The following F2RL3 variants were observed in gnomAD, a reference collection of about 807,000 sequenced individuals.
F2RL3 encodes F2R like thrombin or trypsin receptor 3, also known as proteinase-activated receptor 4.
Under a neutral mutation model 4.9 loss-of-function variants are expected in F2RL3, and 3 were observed. That is an observed-to-expected ratio of 0.61 (90% confidence interval 0.28 to 1.58). The LOEUF (loss-of-function observed/expected upper bound fraction) is 1.58, where lower values mean the gene tolerates loss of function less well. Among genes scored for constraint, F2RL3 ranks in the 40% most tolerant of loss-of-function variants. The pLI, the probability that F2RL3 is intolerant of heterozygous loss-of-function variation, is 0.11. For synonymous variants in F2RL3, 284 were observed against 278.4 expected (o/e 1.02, Z -0.20); for missense variants, 564 against 550.4 (o/e 1.02, Z -0.25).
At position 16,889,053 on chromosome 19, in the gene F2RL3, G is replaced by A; in HGVS notation, c.-137G>A. ...GCTGGCAAGCGGCCCTGGTGGGTCT[G>A]CGGGGGCAGGGGCAGCCTTCCTGGT... On this transcript the variant is annotated 5_prime_UTR_variant, in exon 1 of 2. Transcript: ENST00000248076. 1.6e-6 allele frequency: 1 copy of A among 620,870 alleles called. No individual in the cohort carries two copies. Among genetic ancestry groups the A allele is most frequent in the South Asian group, 2.4e-5 (1 of 41,814 alleles). 38.5% of individuals were successfully genotyped at this position (620,870 alleles called of 1,614,324 possible). A position where few individuals can be genotyped will look rare whatever the true frequency, so the allele number is the denominator to read the frequency against.
chr19:16,889,367 G>T, intron 1 of F2RL3, 69 bp downstream of exon 1: 1 of 1,373,664 alleles, frequency 7.3e-7, no homozygotes, highest in Non-Finnish European at 1.0e-6. Context: ...GCCCGGAGCT[G>T]GGGAGGGGGA....
In F2RL3 at chr19:16,890,618, G is replaced by A; in HGVS notation, c.1155G>A (p.Gln385=). 1 of 1,558,504 alleles carries A rather than the reference G, an allele frequency of 6.4e-7. No individual in the cohort carries two copies. ...RGMGTHSSLL[Q] is the part of the protein sequence containing the mutation. ...TGGGCACCCACTCCTCTTTGCTCCA[G>A]TGACACAAAGTGGGGAAGGCTGTAC... The change falls in exon 2 of 2, where the codon CAG becomes CAA. Residue 385 remains glutamine, a synonymous_variant. Transcript: ENST00000248076.
At position 16,889,047 on chromosome 19, in the gene F2RL3, G is replaced by A. The variant is rs2051751942; in HGVS notation, c.-143G>A. The A allele has an allele frequency of 1.7e-6, 1 of 584,032 alleles. No homozygotes were observed. Among genetic ancestry groups the A allele is most frequent in the African/African-American group, 1.9e-5 (1 of 52,790 alleles). 36.2% of individuals were successfully genotyped at this position (584,032 alleles called of 1,614,324 possible). The stretch of plus-strand genomic sequence containing the variant: ...GGGCTGGCTGGCAAGCGGCCCTGGT[G>A]GGTCTGCGGGGGCAGGGGCAGCCTT... On this transcript the variant is annotated 5_prime_UTR_variant, in exon 1 of 2. Transcript: ENST00000248076.
At position 16,890,542 on chromosome 19, in the gene F2RL3, C is replaced by T. The variant is rs369129094; in HGVS notation, c.1079C>T (p.Pro360Leu). Residue 360 changes from proline to leucine, a missense_variant, in exon 2 of 2, where the codon CCG becomes CTG. Coordinates refer to ENST00000248076, the MANE Select transcript of F2RL3 (RefSeq NM_003950.4). Reference protein sequence around the residue: ...KVRAGLFQRSPGDTVASKASA... With the variant: ...KVRAGLFQRSLGDTVASKASA... ...CGGGCAGGGCTCTTCCAACGGTCGCCGGGGGACACCGTGGCCTCCAAGGCC... is the reference window on the plus strand; with the variant it reads ...CGGGCAGGGCTCTTCCAACGGTCGCTGGGGGACACCGTGGCCTCCAAGGCC... The T allele has an allele frequency of 8.1e-6, 13 of 1,609,356 alleles. No individual in the cohort carries two copies. The highest frequency in any genetic ancestry group is 4.5e-5 in the East Asian group (2 of 44,776).
In F2RL3 at chr19:16,889,037, C is replaced by T. The variant is rs769564057; in HGVS notation, c.-153C>T. 3.5e-4 allele frequency: 186 copies of T among 528,304 alleles called. No individual in the cohort carries two copies. The highest frequency in any genetic ancestry group is 1.0e-3 in the Middle Eastern group (2 of 1,948). 32.7% of individuals were successfully genotyped at this position (528,304 alleles called of 1,614,324 possible). ...GTCCTCCCACGGGCTGGCTGGCAAG[C>T]GGCCCTGGTGGGTCTGCGGGGGCAG... On this transcript the variant is annotated 5_prime_UTR_variant, in exon 1 of 2. Coordinates refer to ENST00000248076, the MANE Select transcript of F2RL3 (RefSeq NM_003950.4).
At position 16,890,587 on chromosome 19, in the gene F2RL3, G is replaced by A. The variant is rs753717142; in HGVS notation, c.1124G>A (p.Arg375Gln). Residue 375 changes from arginine (R) to glutamine (Q), a missense_variant, in exon 2 of 2, where the codon CGG becomes CAG. Transcript: ENST00000248076. ...AAGGCCTCTGCGGAAGGGGGCAGCC[G>A]GGGCATGGGCACCCACTCCTCTTTG... The part of the protein sequence containing the change: ...ASKASAEGGS[R>Q]GMGTHSSLLQ 5.0e-6 allele frequency: 8 copies of A among 1,586,398 alleles called. No homozygotes were observed. Among genetic ancestry groups the A allele is most frequent in the East Asian group, 2.3e-5 (1 of 43,976 alleles).
At position 16,889,170 on chromosome 19, in the gene F2RL3, A is replaced by C. The variant is rs1207751238; in HGVS notation, c.-20A>C. The C allele has an allele frequency of 2.0e-6, 3 of 1,525,638 alleles. No individual in the cohort carries two copies. The highest frequency in any genetic ancestry group is 4.0e-5 in the Admixed American group (2 of 49,764). The allele number at this position is 1,525,638 out of a possible 1,614,324, so 94.5% of individuals were successfully genotyped here. Reference sequence around the variant, plus strand: ...GGCAGGAAGCCTGAGGCCACAGCCCAGAGCAGCCTGAGTGCAGTCATGTGG... The same window carrying C: ...GGCAGGAAGCCTGAGGCCACAGCCCCGAGCAGCCTGAGTGCAGTCATGTGG... On this transcript the variant is annotated 5_prime_UTR_variant, in exon 1 of 2. Transcript: ENST00000248076.
Position 16,891,454 on chromosome 19 carries a change from G to A in F2RL3, c.*833G>A, listed in dbSNP as rs182362993. Reference sequence around the variant, plus strand: ...AAACAAACTAAAATTAAAAAAAGAAGACGAGAGATAGTGGGTGTGGTGGCT... The same window carrying A: ...AAACAAACTAAAATTAAAAAAAGAAAACGAGAGATAGTGGGTGTGGTGGCT... On this transcript the variant is annotated 3_prime_UTR_variant, in exon 2 of 2. Transcript: ENST00000248076. The A allele has an allele frequency of 2.6e-5, 4 of 151,556 alleles. No individual in the cohort carries two copies. Among genetic ancestry groups the A allele is most frequent in the Admixed American group, 6.6e-5 (1 of 15,216 alleles). 9.4% of individuals were successfully genotyped at this position (151,556 alleles called of 1,614,324 possible).
Position 16,890,159 on chromosome 19 carries a change from G to A in F2RL3, c.696G>A (p.Leu232=). The A allele has an allele frequency of 6.3e-7, 1 of 1,594,800 alleles. No homozygotes were observed. The highest frequency in any genetic ancestry group is 8.5e-7 in the Non-Finnish European group (1 of 1,177,648). ...ATCGCGTGCTCTGCCATGACGCGCT[G>A]CCCCTGGACGCACAGGCCTCCCACT... ...RSDRVLCHDA[L]PLDAQASHWQ... Residue 232 remains leucine, a synonymous_variant, in exon 2 of 2, where the codon CTG becomes CTA. Transcript: ENST00000248076.
In F2RL3 at chr19:16,889,142, C is replaced by A; in HGVS notation, c.-48C>A. 7.5e-7 allele frequency: 1 copy of A among 1,338,286 alleles called. No individual in the cohort carries two copies. The allele number at this position is 1,338,286 out of a possible 1,614,324, so 82.9% of individuals were successfully genotyped here. A position where few individuals can be genotyped will look rare whatever the true frequency, so the allele number is the denominator to read the frequency against. On this transcript the variant is annotated 5_prime_UTR_variant, in exon 1 of 2. Coordinates refer to ENST00000248076, the MANE Select transcript of F2RL3 (RefSeq NM_003950.4). ...CCAGAAGCTGGGGCTCAGGGTCCGG[C>A]GAGGCAGGAAGCCTGAGGCCACAGC...
chr19:16,890,549 C>A lies in F2RL3; in HGVS notation c.1086C>A (p.Asp362Glu). ...RAGLFQRSPG[D>E]TVASKASAEG... is the part of the protein sequence containing the mutation. ...GGCTCTTCCAACGGTCGCCGGGGGACACCGTGGCCTCCAAGGCCTCTGCGG... is the reference window on the plus strand; with the variant it reads ...GGCTCTTCCAACGGTCGCCGGGGGAAACCGTGGCCTCCAAGGCCTCTGCGG... Residue 362 changes from aspartate (D) to glutamate (E), a missense_variant, in exon 2 of 2, where the codon GAC (aspartate) becomes GAA (glutamate). By Grantham distance (45) the Asp-to-Glu change is conservative (BLOSUM62 2). Coordinates refer to ENST00000248076, the MANE Select transcript of F2RL3 (RefSeq NM_003950.4). 2 of 1,608,414 alleles carry A rather than the reference C, an allele frequency of 1.2e-6. No homozygotes were observed. Among genetic ancestry groups the A allele is most frequent in the Non-Finnish European group, 1.7e-6 (2 of 1,178,252 alleles).
chr19:16,890,650 G>T lies in F2RL3; in HGVS notation c.*29G>T. The T allele has an allele frequency of 1.4e-6, 2 of 1,472,890 alleles. No homozygotes were observed. Among genetic ancestry groups the T allele is most frequent in the South Asian group, 1.2e-5 (1 of 80,480 alleles). 91.2% of individuals were successfully genotyped at this position (1,472,890 alleles called of 1,614,324 possible). On this transcript the variant is annotated 3_prime_UTR_variant, in exon 2 of 2. Transcript: ENST00000248076. ...AAAGTGGGGAAGGCTGTACTGGGTC[G>T]AACAGGGTCCCTTCCCCCACTTCAC...
At chr19:16,889,403 C>T in intron 1 of F2RL3, 105 bp downstream of exon 1, 2 of 1,213,382 alleles carry the variant, frequency 1.6e-6, no homozygotes, top group South Asian at 2.8e-5. Flanking sequence ...GGCTTCAGCC[C>T]AGCCCACTCT....
chr19:16,889,936 G>A lies in F2RL3; in HGVS notation c.473G>A (p.Gly158Asp), dbSNP rs1483800682. Residue 158 changes from glycine (G) to aspartate (D), a missense_variant, in exon 2 of 2, where the codon GGT becomes GAT. By Grantham distance (94) the Gly-to-Asp change is moderately conservative. Transcript: ENST00000248076. ...CGCCTGGCCACGGCCGCACTCTATGGTCACATGTATGGCTCAGTGCTGCTG... is the reference window on the plus strand; with the variant it reads ...CGCCTGGCCACGGCCGCACTCTATGATCACATGTATGGCTCAGTGCTGCTG... ...ACRLATAALY[G>D]HMYGSVLLLA... 2 of 1,589,692 alleles carry A rather than the reference G, an allele frequency of 1.3e-6. No homozygotes were observed. Among genetic ancestry groups the A allele is most frequent in the Non-Finnish European group, 8.5e-7 (1 of 1,171,810 alleles).
Position 16,889,580 on chromosome 19 carries a change from G to C in F2RL3, c.117G>C (p.Thr39=). 6.4e-7 allele frequency: 1 copy of C among 1,571,310 alleles called. No homozygotes were observed. The highest frequency in any genetic ancestry group is 8.6e-7 in the Non-Finnish European group (1 of 1,157,514). ...GTCCCCTCTCTCTCCCAGACAGCAC[G>C]CCCTCAATCCTGCCTGCCCCCCGCG... ...SGSTGGGDDS[T]PSILPAPRGY... is the part of the protein sequence containing the mutation. The change falls in exon 2 of 2, where the codon ACG becomes ACC. Residue 39 remains threonine, a synonymous_variant. Transcript: ENST00000248076.
At position 16,890,684 on chromosome 19, in the gene F2RL3, T is replaced by C; in HGVS notation, c.*63T>C. Reference sequence around the variant, plus strand: ...CCCTTCCCCCACTTCACGTCCTTCCTGGGACCTCAGAATGTGACCTTATTT... The same window carrying C: ...CCCTTCCCCCACTTCACGTCCTTCCCGGGACCTCAGAATGTGACCTTATTT... On this transcript the variant is annotated 3_prime_UTR_variant, in exon 2 of 2. Transcript: ENST00000248076. The C allele has an allele frequency of 2.5e-6, 3 of 1,214,312 alleles. No homozygotes were observed. Among genetic ancestry groups the C allele is most frequent in the Middle Eastern group, 2.7e-4 (1 of 3,690 alleles). The allele number at this position is 1,214,312 out of a possible 1,614,324, so 75.2% of individuals were successfully genotyped here. A position where few individuals can be genotyped will look rare whatever the true frequency, so the allele number is the denominator to read the frequency against.
Position 16,889,315 on chromosome 19 carries a change from T to C in F2RL3, c.109+17T>C, listed in dbSNP as rs1412993073. 1 of 1,569,752 alleles carries C rather than the reference T, an allele frequency of 6.4e-7. No homozygotes were observed. Among genetic ancestry groups the C allele is most frequent in the Non-Finnish European group, 8.7e-7 (1 of 1,155,590 alleles). Reference sequence around the variant, plus strand: ...GTGGTGATGGTGAGTGGTCCTGGCTTTGGGGTGCAGAGATGGGGTTACATC... The same window carrying C: ...GTGGTGATGGTGAGTGGTCCTGGCTCTGGGGTGCAGAGATGGGGTTACATC... On this transcript the variant is annotated intron_variant, in intron 1 of 1. Transcript: ENST00000248076.
In F2RL3 at chr19:16,889,264, C is replaced by G; in HGVS notation, c.75C>G (p.Val25=). 6.3e-7 allele frequency: 1 copy of G among 1,596,692 alleles called. No homozygotes were observed. The change falls in exon 1 of 2, where the codon GTC becomes GTG. Residue 25 remains valine, a synonymous_variant. Coordinates refer to ENST00000248076, the MANE Select transcript of F2RL3 (RefSeq NM_003950.4). ...CTGGCGGCACCCAGACCCCCAGCGTCTACGACGAGAGCGGGAGCACCGGAG... is the reference window on the plus strand; with the variant it reads ...CTGGCGGCACCCAGACCCCCAGCGTGTACGACGAGAGCGGGAGCACCGGAG... ...SLSGGTQTPS[V]YDESGSTGGG... is the part of the protein sequence containing the mutation.
In F2RL3 at chr19:16,890,306, G is replaced by A. The variant is rs781679325; in HGVS notation, c.843G>A (p.Ala281=). ...CCAGCGGCCGGCGCTACGGCCACGCGCTGAGGCTGACCGCAGTGGTGCTGG... is the reference window on the plus strand; with the variant it reads ...CCAGCGGCCGGCGCTACGGCCACGCACTGAGGCTGACCGCAGTGGTGCTGG... The part of the protein sequence containing the change: ...LAASGRRYGH[A]LRLTAVVLAS... Residue 281 remains alanine (A), a synonymous_variant, in exon 2 of 2, where the codon GCG becomes GCA. Transcript: ENST00000248076. 2.4e-5 allele frequency: 37 copies of A among 1,573,404 alleles called. No individual in the cohort carries two copies. The highest frequency in any genetic ancestry group is 1.4e-4 in the East Asian group (6 of 42,912).
Sources: allele counts gnomAD v4.1 joint callset, GRCh38; gene constraint gnomAD v4.1.1; transcripts MANE v1.5; gene names NCBI Gene and HGNC (gene_info 2026-07-23, HGNC 2026-07-21).